Variants in LRMDA observed in about 807,000 individuals in gnomAD.
LRMDA encodes the protein leucine rich melanocyte differentiation associated, also known as leucine-rich melanocyte differentiation-associated protein.
LRMDA carries 18 observed loss-of-function variants against 29.8 expected under a neutral mutation model. The ratio of observed to expected loss-of-function variants is 0.60; its 90% confidence interval spans 0.42 to 0.90. The LOEUF is 0.90. Ranked by LOEUF, LRMDA falls within the 40% of genes least tolerant of loss-of-function variation. The pLI, the probability that LRMDA is intolerant of heterozygous loss-of-function variation, is 0.00. For synonymous variants in LRMDA, 125 were observed against 109.4 expected (o/e 1.14, Z -0.89); for missense variants, 273 against 273.9 (o/e 1.00, Z 0.02).
intron 2 of LRMDA, among the ~76,000 whole-genome samples, chr10:75,509,043 G>C (rs118021082): frequency 0.013 from 1,988 of 152,218 alleles, 22 homozygotes; most frequent in Non-Finnish European, 0.017. Flanking sequence ...TTTTCTCTTT[G>C]TTTCTTCTTT....
intron 2 of LRMDA, among the ~76,000 whole-genome samples, chr10:75,791,633 A>G (rs560705583): frequency 6.6e-6 from 1 of 152,306 alleles, no homozygotes; most frequent in East Asian, 1.9e-4. Context: ...ACATTTCAGA[A>G]TGATTGGTTA....
chr10:76,429,880 G>A (rs1319940366), intron 6 of LRMDA, among the ~76,000 whole-genome samples: 4 of 152,088 alleles, frequency 2.6e-5, no homozygotes, highest in Admixed American at 2.0e-4. Flanking sequence ...TCCTCTCTGC[G>A]TTGAGAGAAG....
At chr10:76,027,999 T>G (rs1404195551) in intron 2 of LRMDA, among the ~76,000 whole-genome samples, 1 of 152,200 alleles carries the variant, frequency 6.6e-6, no homozygotes, top group Admixed American at 6.5e-5. Context: ...TACTTGTACA[T>G]AAACTTATAC....
In LRMDA at chr10:76,156,881, C is replaced by G. The variant is rs191056945; in HGVS notation, c.516+98098C>G. Among the ~76,000 whole-genome samples, 440 of 152,238 alleles carry G rather than the reference C, an allele frequency of 2.9e-3. 1 individual carries two copies. Among genetic ancestry groups the G allele is most frequent in the Non-Finnish European group, 4.8e-3 (325 of 68,020 alleles). ...AGAGGCTTTTGTCATTTCACTTATCCCACTGAATTACTTTCCCTGTTGTGT... is the reference window on the plus strand; with the variant it reads ...AGAGGCTTTTGTCATTTCACTTATCGCACTGAATTACTTTCCCTGTTGTGT... On this transcript the variant is annotated intron_variant, in intron 5 of 6. Coordinates refer to ENST00000611255, the MANE Select transcript of LRMDA (RefSeq NM_001305581.2).
chr10:75,520,324 A>G (rs1053215903), intron 2 of LRMDA, among the ~76,000 whole-genome samples: 20 of 152,172 alleles, frequency 1.3e-4, no homozygotes, highest in East Asian at 1.9e-4. Flanking sequence ...CCCATCAAAC[A>G]TAGATTTGGT....
At chr10:75,957,940 A>G (rs1451727482) in intron 2 of LRMDA, among the ~76,000 whole-genome samples, 1 of 152,180 alleles carries the variant, frequency 6.6e-6, no homozygotes, top group South Asian at 2.1e-4. Flanking sequence ...CTTTGGGGAT[A>G]TCCAGGAGGG....
At chr10:75,813,443 C>T (rs1403517932) in intron 2 of LRMDA, among the ~76,000 whole-genome samples, 1 of 152,168 alleles carries the variant, frequency 6.6e-6, no homozygotes, top group Non-Finnish European at 1.5e-5. Context: ...TTATAAAGCT[C>T]CCCAGCTGAT....
At chr10:76,432,605 G>C (rs1842202695) in intron 6 of LRMDA, among the ~76,000 whole-genome samples, 1 of 152,094 alleles carries the variant, frequency 6.6e-6, no homozygotes. Context: ...CAATACACTG[G>C]GGTCTAAAGG....
At chr10:75,961,048 G>A (rs1846756641) in intron 2 of LRMDA, among the ~76,000 whole-genome samples, 2 of 152,194 alleles carry the variant, frequency 1.3e-5, no homozygotes, top group African/African-American at 4.8e-5. Context: ...TACCTGATGG[G>A]AAGGAATACT....
At chr10:75,779,713 G>T (rs1038954207) in intron 2 of LRMDA, among the ~76,000 whole-genome samples, 2 of 152,134 alleles carry the variant, frequency 1.3e-5, no homozygotes, top group African/African-American at 4.8e-5. Context: ...CTGGCTTCTT[G>T]TAGTGACTCA....
At chr10:76,491,086 T>C (rs1250085302) in intron 6 of LRMDA, among the ~76,000 whole-genome samples, 3 of 151,684 alleles carry the variant, frequency 2.0e-5, no homozygotes, top group African/African-American at 7.3e-5. Context: ...TTCCTCCTGC[T>C]TTTTAATTTT....
intron 4 of LRMDA, among the ~76,000 whole-genome samples, chr10:76,056,449 T>C (rs537740507): frequency 6.6e-6 from 1 of 152,294 alleles, no homozygotes; most frequent in African/African-American, 2.4e-5. Flanking sequence ...CCTGTCTGCC[T>C]CCTGCTGCCA....
intron 2 of LRMDA, among the ~76,000 whole-genome samples, chr10:75,954,659 A>G (rs183782620): frequency 1.6e-4 from 24 of 152,320 alleles, no homozygotes; most frequent in Admixed American, 3.3e-4. Context: ...CCATTTGAGG[A>G]AAGATTCTAA....
rs962900449 is a variant in LRMDA, at chr10:75,457,500, G to T, written c.131+19006G>T. On this transcript the variant is annotated intron_variant, in intron 2 of 6. Transcript: ENST00000611255. ...TTCTCCCTGGAGTGACAGGAGTTGCGGGGGAGACAACTAAGGCTGCTGTTG... is the reference window on the plus strand; with the variant it reads ...TTCTCCCTGGAGTGACAGGAGTTGCTGGGGAGACAACTAAGGCTGCTGTTG... Among the ~76,000 whole-genome samples the T allele has an allele frequency of 2.6e-5, 4 of 151,280 alleles. No homozygotes were observed. In the East Asian group the frequency reaches 7.8e-4, roughly 29 times the overall value.
chr10:75,833,660 A>G (rs1844383962), intron 2 of LRMDA, among the ~76,000 whole-genome samples: 1 of 152,218 alleles, frequency 6.6e-6, no homozygotes, highest in Non-Finnish European at 1.5e-5. Context: ...CTCATCAGCT[A>G]AAAATAACAA....
chr10:76,027,592 CTG>C (rs1262709285), intron 2 of LRMDA, among the ~76,000 whole-genome samples: 1 of 152,128 alleles, frequency 6.6e-6, no homozygotes, highest in African/African-American at 2.4e-5. Flanking sequence ...TATAATGTCT[CTG>C]TGTACAAGAT....
chr10:76,063,548 G>A (rs1848737101), intron 5 of LRMDA, among the ~76,000 whole-genome samples: 1 of 152,052 alleles, frequency 6.6e-6, no homozygotes. Flanking sequence ...TGATACTTGG[G>A]AGGGTGGGCT....
At chr10:76,153,262 A>G (rs182778216) in intron 5 of LRMDA, among the ~76,000 whole-genome samples, 1 of 152,114 alleles carries the variant, frequency 6.6e-6, no homozygotes, top group South Asian at 2.1e-4. Flanking sequence ...CACCCATTCT[A>G]TAGGTTGTAT....
intron 2 of LRMDA, among the ~76,000 whole-genome samples, chr10:75,852,728 G>A (rs1298261185): frequency 6.6e-6 from 1 of 152,124 alleles, no homozygotes; most frequent in Non-Finnish European, 1.5e-5. Flanking sequence ...GCTTGTGGAG[G>A]TGAAGACAGA....
Sources: gnomAD v4.1 joint callset for allele counts (sites outside exome capture counted in the v4.1 genomes callset) on GRCh38, gnomAD v4.1.1 for gene constraint, MANE v1.5 for transcripts, NCBI Gene and HGNC (gene_info 2026-07-23, HGNC 2026-07-21) for gene names.